PI15: variants seen among roughly 807,000 people sequenced by gnomAD.
PI15 encodes peptidase inhibitor 15, also known as 25 kDa trypsin inhibitor.
Under a neutral mutation model 31.0 loss-of-function variants are expected in PI15, and 18 were observed. The observed-to-expected ratio is 0.58, with a 90% CI of 0.40 to 0.86. PI15 has a LOEUF of 0.86. Among genes scored for constraint, PI15 ranks in the 40% least tolerant of loss-of-function variants. PI15 has a pLI of 0.00. For missense variants in PI15, 282 were observed against 328.1 expected, an observed-to-expected ratio of 0.86 and a Z score of 1.09; for synonymous variants, 118 against 119.1, an observed-to-expected ratio of 0.99 and a Z score of 0.06.
intron 2 of PI15, among the ~76,000 whole-genome samples, chr8:74,837,047 A>T (rs1939663346): frequency 6.6e-6 from 1 of 152,120 alleles, no homozygotes; most frequent in Admixed American, 6.6e-5. Context: ...CAGAGCCCCT[A>T]AAAATAGTAC....
At chr8:74,829,141 A>T (rs1227417640) in intron 2 of PI15, among the ~76,000 whole-genome samples, 1 of 152,008 alleles carries the variant, frequency 6.6e-6, no homozygotes, top group Non-Finnish European at 1.5e-5. Flanking sequence ...ATCAACCATT[A>T]TTTGTTGAAT....
At chr8:74,844,854 T>C in intron 3 of PI15, 1 of 379,418 alleles carries the variant, frequency 2.6e-6, no homozygotes, top group African/African-American at 2.0e-5. Flanking sequence ...ACATTGATGA[T>C]TCCTGAAATT....
intron 2 of PI15, among the ~76,000 whole-genome samples, chr8:74,836,932 G>C (rs1810881155): frequency 6.6e-6 from 1 of 152,118 alleles, no homozygotes; most frequent in African/African-American, 2.4e-5. Context: ...TAAAAGAAAG[G>C]AGAAGAATGG....
rs775649908 is a variant in PI15, at chr8:74,825,408, C to T, written c.159C>T (p.Ile53=). The change falls in exon 2 of 6, where the codon ATC becomes ATT. Residue 53 remains isoleucine, a synonymous_variant. Coordinates refer to ENST00000260113, the MANE Select transcript of PI15 (RefSeq NM_015886.5). The stretch of plus-strand genomic sequence containing the variant: ...AAGCACAATTAGATTCAGCGGATAT[C>T]CCCAAAGCCAGGCGGAAGCGCTACA... ...ALKAQLDSAD[I]PKARRKRYIS... The T allele has an allele frequency of 1.9e-6, 3 of 1,613,292 alleles. No homozygotes were observed. In the East Asian group the frequency reaches 6.7e-5, roughly 36 times the overall value.
chr8:74,842,846 A>T (rs2128765595), intron 2 of PI15, among the ~76,000 whole-genome samples: 1 of 151,934 alleles, frequency 6.6e-6, no homozygotes, highest in East Asian at 1.9e-4. Context: ...GGAAAGCAAC[A>T]GTTGCTATTT....
chr8:74,831,949 G>T (rs1398588498), intron 2 of PI15, among the ~76,000 whole-genome samples: 2 of 151,970 alleles, frequency 1.3e-5, no homozygotes, highest in Non-Finnish European at 2.9e-5. Context: ...AAGGCACCCA[G>T]ACATTTGTTC....
intron 2 of PI15, among the ~76,000 whole-genome samples, chr8:74,825,924 A>G (rs1371483376): frequency 6.6e-6 from 1 of 152,102 alleles, no homozygotes; most frequent in Non-Finnish European, 1.5e-5. Context: ...CAGCTATATC[A>G]TTTCTTGAAA....
Position 74,826,629 on chromosome 8 carries a change from A to G in PI15, c.273+1107A>G, listed in dbSNP as rs543392248. On this transcript the variant is annotated intron_variant, in intron 2 of 5. Coordinates refer to ENST00000260113, the MANE Select transcript of PI15 (RefSeq NM_015886.5). ...ATGTAATCAGTCCTGGTGTGTGAGG[A>G]GCAGTATAGTCTCATGATTAAGAAT... Among the ~76,000 whole-genome samples the G allele has an allele frequency of 1.3e-3, 191 of 152,112 alleles. 2 individuals carry two copies. The highest frequency in any genetic ancestry group is 4.3e-3 in the African/African-American group (178 of 41,506).
At position 74,831,417 on chromosome 8, in the gene PI15, G is replaced by T. The variant is rs531970437; in HGVS notation, c.273+5895G>T. ...GTCTGCTCCACAGAGAATATGCAGT[G>T]ACTACTCAGTAACTATTTGTGGAAT... On this transcript the variant is annotated intron_variant, in intron 2 of 5. Coordinates refer to ENST00000260113, the MANE Select transcript of PI15 (RefSeq NM_015886.5). Among the ~76,000 whole-genome samples, 9 of 152,250 alleles carry T rather than the reference G, an allele frequency of 5.9e-5. 1 individual carries two copies. In the South Asian group the frequency reaches 1.9e-3, roughly 32 times the overall value.
At position 74,850,091 on chromosome 8, in the gene PI15, A is replaced by G. The variant is rs935717108; in HGVS notation, c.*838A>G. The G allele has an allele frequency of 2.0e-5, 3 of 152,222 alleles. No individual in the cohort carries two copies. The highest frequency in any genetic ancestry group is 6.5e-5 in the Admixed American group (1 of 15,276). The allele number at this position is 152,222 out of a possible 1,614,324, so 9.4% of individuals were successfully genotyped here. A position where few individuals can be genotyped will look rare whatever the true frequency, so the allele number is the denominator to read the frequency against. The stretch of plus-strand genomic sequence containing the variant: ...AATAATGCAGACTAGTGATTTTGCT[A>G]TAAAATTATTTTTGAAGGAAGCAGA... On this transcript the variant is annotated 3_prime_UTR_variant, in exon 6 of 6. Coordinates refer to ENST00000260113, the MANE Select transcript of PI15 (RefSeq NM_015886.5).
At chr8:74,832,160 T>G (rs1810791853) in intron 2 of PI15, among the ~76,000 whole-genome samples, 1 of 152,012 alleles carries the variant, frequency 6.6e-6, no homozygotes, top group African/African-American at 2.4e-5. Flanking sequence ...TAGGAGTAAG[T>G]GGTTTACATG....
intron 2 of PI15, among the ~76,000 whole-genome samples, chr8:74,835,211 A>T (rs926156676): frequency 1.1e-4 from 17 of 152,164 alleles, no homozygotes; most frequent in Admixed American, 2.6e-4. Context: ...TTATCTTTTT[A>T]AAAATTTTGG....
chr8:74,842,927 T>C (rs930770039), intron 2 of PI15, among the ~76,000 whole-genome samples: 6 of 152,172 alleles, frequency 3.9e-5, no homozygotes, highest in Non-Finnish European at 8.8e-5. Flanking sequence ...TTACTTTTAT[T>C]AGTTTGTTTC....
Position 74,853,902 on chromosome 8 carries a change from C to T in PI15, c.*4649C>T, listed in dbSNP as rs1002580093. 4.0e-5 allele frequency: 6 copies of T among 151,414 alleles called. No homozygotes were observed. Among genetic ancestry groups the T allele is most frequent in the African/African-American group, 1.5e-4 (6 of 41,238 alleles). 9.4% of individuals were successfully genotyped at this position (151,414 alleles called of 1,614,324 possible). A position where few individuals can be genotyped will look rare whatever the true frequency, so the allele number is the denominator to read the frequency against. ...TTTTAAATTTAGTTAGCTTTATAAA[C>T]ACAATTAGAATTACAATTAATTAAC... On this transcript the variant is annotated 3_prime_UTR_variant, in exon 6 of 6. Transcript: ENST00000260113.
Position 74,849,316 on chromosome 8 carries a change from T to C in PI15, c.*63T>C. 3 of 1,254,548 alleles carry C rather than the reference T, an allele frequency of 2.4e-6. No homozygotes were observed. Among genetic ancestry groups the C allele is most frequent in the East Asian group, 2.5e-5 (1 of 39,770 alleles). The allele number at this position is 1,254,548 out of a possible 1,614,324, so 77.7% of individuals were successfully genotyped here. Reference sequence around the variant, plus strand: ...GAACATGGGCATGTATATATATATATGGAGAGAGAATTTTGCACATATTAT... The same window carrying C: ...GAACATGGGCATGTATATATATATACGGAGAGAGAATTTTGCACATATTAT... On this transcript the variant is annotated 3_prime_UTR_variant, in exon 6 of 6. Coordinates refer to ENST00000260113, the MANE Select transcript of PI15 (RefSeq NM_015886.5).
intron 2 of PI15, among the ~76,000 whole-genome samples, chr8:74,837,570 A>G (rs1287358967): frequency 6.6e-6 from 1 of 152,194 alleles, no homozygotes. Context: ...AAAGGAAAAT[A>G]ATTTTGGCAT....
chr8:74,825,620 C>T (rs1409487485), intron 2 of PI15, 98 bp downstream of exon 2: 6 of 946,936 alleles, frequency 6.3e-6, no homozygotes, highest in Middle Eastern at 2.6e-4. Context: ...TTTATATGTC[C>T]GGGTATATGG....
chr8:74,831,818 T>C (rs1810786058), intron 2 of PI15, among the ~76,000 whole-genome samples: 1 of 151,838 alleles, frequency 6.6e-6, no homozygotes, highest in South Asian at 2.1e-4. Flanking sequence ...GAAAGAGGGA[T>C]CTGTAGTGGG....
Position 74,852,585 on chromosome 8 carries a change from G to T in PI15, c.*3332G>T, listed in dbSNP as rs1313619601. ...AGTTTATGAAAACATTCATTTGAAA[G>T]TTCCATGCAGCTTTAGCACAGAGTT... On this transcript the variant is annotated 3_prime_UTR_variant, in exon 6 of 6. Transcript: ENST00000260113. 6.6e-6 allele frequency: 1 copy of T among 152,078 alleles called. No individual in the cohort carries two copies. The highest frequency in any genetic ancestry group is 1.5e-5 in the Non-Finnish European group (1 of 67,980). 9.4% of individuals were successfully genotyped at this position (152,078 alleles called of 1,614,324 possible).
Sources: gnomAD v4.1 joint callset for allele counts (sites outside exome capture counted in the v4.1 genomes callset) on GRCh38, gnomAD v4.1.1 for gene constraint, MANE v1.5 for transcripts, NCBI Gene and HGNC (gene_info 2026-07-23, HGNC 2026-07-21) for gene names.